PYM1: variants seen among roughly 807,000 people sequenced by gnomAD.
PYM1 encodes the protein PYM1 exon junction complex associated factor, also known as partner of Y14 and mago.
In PYM1, 7 loss-of-function variants were observed where a neutral mutation model predicts 20.7. The observed-to-expected ratio is 0.34, with a 90% CI of 0.19 to 0.64. PYM1 has a LOEUF of 0.64. PYM1 is among the 30% of genes least tolerant of loss of function. PYM1 has a pLI of 0.74. For missense variants in PYM1, 194 were observed against 250.0 expected, an observed-to-expected ratio of 0.78 and a Z score of 1.51; for synonymous variants, 100 against 99.2, an observed-to-expected ratio of 1.01 and a Z score of -0.05.
chr12:55,914,432 C>G (rs1882973096), intron 1 of PYM1: 4 of 693,332 alleles, frequency 5.8e-6, no homozygotes, highest in Non-Finnish European at 1.1e-5. Flanking sequence ...GAGTCAAAAA[C>G]TAGAGATTGG....
At chr12:55,910,347 C>G (rs1174304964) in intron 1 of PYM1, among the ~76,000 whole-genome samples, 2 of 151,646 alleles carry the variant, frequency 1.3e-5, no homozygotes, top group Non-Finnish European at 2.9e-5. Flanking sequence ...GTAGCCCGAT[C>G]CCGGCTCACT....
At chr12:55,917,891 T>C (rs563045184) in intron 1 of PYM1, among the ~76,000 whole-genome samples, 6 of 151,292 alleles carry the variant, frequency 4.0e-5, no homozygotes, top group South Asian at 2.1e-4. Flanking sequence ...ACCCGGGAGA[T>C]AGAGGTTGTA....
intron 1 of PYM1, among the ~76,000 whole-genome samples, chr12:55,924,917 T>C (rs571258083): frequency 1.3e-5 from 2 of 152,344 alleles, no homozygotes; most frequent in South Asian, 4.1e-4. Context: ...ACCCCTGACC[T>C]CAGTTGATCC....
chr12:55,914,562 T>G (rs1320289779), intron 1 of PYM1, among the ~76,000 whole-genome samples: 2 of 152,170 alleles, frequency 1.3e-5, no homozygotes, highest in Non-Finnish European at 2.9e-5. Flanking sequence ...GAAAGGGTCC[T>G]TGTTTCCAGG....
Position 55,902,131 on chromosome 12 carries a change from T to C in PYM1, c.356A>G (p.Glu119Gly). 1 of 1,614,138 alleles carries C rather than the reference T, an allele frequency of 6.2e-7. No homozygotes were observed. The highest frequency in any genetic ancestry group is 8.5e-7 in the Non-Finnish European group (1 of 1,180,026). Reference protein sequence around the residue: ...LSRTLDKVSLEETAQLPSAPQ... With the variant: ...LSRTLDKVSLGETAQLPSAPQ... ...AGCACTGGGGAGTTGGGCTGTCTCTTCCAGGGACACCTTATCAAGAGTCCT... is the reference window on the plus strand; with the variant it reads ...AGCACTGGGGAGTTGGGCTGTCTCTCCCAGGGACACCTTATCAAGAGTCCT... Residue 119 changes from glutamate (E) to glycine (G), a missense_variant, in exon 3 of 3, where the codon GAA becomes GGA. This residue lies in a region of PYM1 where 158 missense variants were observed against 179.0 expected (regional missense o/e 0.88). Coordinates refer to ENST00000408946, the MANE Select transcript of PYM1 (RefSeq NM_032345.3).
chr12:55,925,608 T>G (rs963327577), intron 1 of PYM1, among the ~76,000 whole-genome samples: 4 of 152,138 alleles, frequency 2.6e-5, no homozygotes, highest in Non-Finnish European at 5.9e-5. Context: ...GACACTAAAG[T>G]TTTACAGAAA....
chr12:55,911,797 C>T (rs552123408), intron 1 of PYM1, among the ~76,000 whole-genome samples: 3 of 151,536 alleles, frequency 2.0e-5, no homozygotes, highest in Admixed American at 6.6e-5. Context: ...GCCGAGACTG[C>T]GCCACTGCAC....
At chr12:55,926,431 T>C (rs916982043) in intron 1 of PYM1, among the ~76,000 whole-genome samples, 3 of 152,200 alleles carry the variant, frequency 2.0e-5, no homozygotes, top group African/African-American at 7.2e-5. Flanking sequence ...ACTAGATACT[T>C]TCCTGTTTGC....
At chr12:55,904,437 C>T (rs1324681220) in intron 1 of PYM1, among the ~76,000 whole-genome samples, 1 of 148,066 alleles carries the variant, frequency 6.8e-6, no homozygotes, top group Non-Finnish European at 1.5e-5. Flanking sequence ...AATAAAAATA[C>T]AAAAAAAAAT....
chr12:55,910,945 G>T (rs993532715), intron 1 of PYM1, among the ~76,000 whole-genome samples: 1 of 151,176 alleles, frequency 6.6e-6, no homozygotes. Context: ...AGATTGTGGA[G>T]ACCAAGGTTC....
At chr12:55,910,406 G>C (rs954134618) in intron 1 of PYM1, among the ~76,000 whole-genome samples, 3 of 151,834 alleles carry the variant, frequency 2.0e-5, no homozygotes, top group Non-Finnish European at 4.4e-5. Context: ...TCAGCCTGCC[G>C]AGTAGCTGGG....
intron 1 of PYM1, among the ~76,000 whole-genome samples, chr12:55,909,259 A>G (rs1236819392): frequency 1.3e-5 from 2 of 152,186 alleles, no homozygotes; most frequent in Non-Finnish European, 2.9e-5. Context: ...AGGAAGAGTC[A>G]AACTAAACAA....
At chr12:55,912,029 A>C (rs1487642042) in intron 1 of PYM1, among the ~76,000 whole-genome samples, 2 of 152,094 alleles carry the variant, frequency 1.3e-5, no homozygotes, top group Admixed American at 1.3e-4. Context: ...TTGAGACCCT[A>C]TCTCTATTTT....
chr12:55,910,027 CCT>C (rs768514948), intron 1 of PYM1, among the ~76,000 whole-genome samples: 3 of 151,946 alleles, frequency 2.0e-5, no homozygotes, highest in East Asian at 1.9e-4. Context: ...TAGGGAGACC[CCT>C]GTCTTTACGA....
chr12:55,909,740 C>G (rs1882887798), intron 1 of PYM1, among the ~76,000 whole-genome samples: 1 of 152,088 alleles, frequency 6.6e-6, no homozygotes, highest in South Asian at 2.1e-4. Context: ...TGGTAATTCA[C>G]TAACTAGGGA....
In PYM1 at chr12:55,927,738, C is replaced by T. The variant is rs1217953596; in HGVS notation, c.24G>A (p.Ala8=). ...CGGGTCGGTCACCTGTCTCCGTAGCCGCAGGGCTGCCGGCAGCTTCCATGG... is the reference window on the plus strand; with the variant it reads ...CGGGTCGGTCACCTGTCTCCGTAGCTGCAGGGCTGCCGGCAGCTTCCATGG... MEAAGSP[A]ATETGKYIAS... The change falls in exon 1 of 3, where the codon GCG becomes GCA. Residue 8 remains alanine (A), a synonymous_variant. Transcript: ENST00000408946. 1.3e-6 allele frequency: 2 copies of T among 1,539,852 alleles called. No homozygotes were observed. The highest frequency in any genetic ancestry group is 2.0e-5 in the Admixed American group (1 of 50,980).
chr12:55,927,611 C>G lies in PYM1; in HGVS notation c.37+114G>C, dbSNP rs574379306. On this transcript the variant is annotated intron_variant, in intron 1 of 2. Transcript: ENST00000408946. ...GGGACGGTTGGAGACCCTATCTAAC[C>G]CTAAGAAGGTGGGGAGGTCGAATTC... 57 of 1,377,966 alleles carry G rather than the reference C, an allele frequency of 4.1e-5. No individual in the cohort carries two copies. In the South Asian group the frequency reaches 7.3e-4, roughly 18 times the overall value. 85.4% of individuals were successfully genotyped at this position (1,377,966 alleles called of 1,614,324 possible).
At chr12:55,918,798 G>A (rs1424330007) in intron 1 of PYM1, among the ~76,000 whole-genome samples, 2 of 152,156 alleles carry the variant, frequency 1.3e-5, no homozygotes, top group Non-Finnish European at 2.9e-5. Context: ...AACCTGAGAG[G>A]CAGAGGTCGC....
chr12:55,912,300 C>T (rs1160971298), intron 1 of PYM1, among the ~76,000 whole-genome samples: 1 of 151,990 alleles, frequency 6.6e-6, no homozygotes, highest in Non-Finnish European at 1.5e-5. Context: ...TGCAGTGAAC[C>T]GAGATCACGC....
Sources: gnomAD v4.1 joint callset for allele counts (sites outside exome capture counted in the v4.1 genomes callset) on GRCh38, gnomAD v4.1.1 for gene constraint, gnomAD v4.1.1 regional missense constraint, MANE v1.5 for transcripts, NCBI Gene and HGNC (gene_info 2026-07-23, HGNC 2026-07-21) for gene names.